HYCC1: variants seen among roughly 807,000 people sequenced by gnomAD.
The protein encoded by HYCC1 is hyccin.
At chr7:22,964,846 T>G in the HYCC1 span, among the ~76,000 whole-genome samples, 2 of 152,074 alleles carry the variant, frequency 1.3e-5, no homozygotes, top group Admixed American at 6.6e-5. Context: ...ACATGAAACT[T>G]GGCACTGCCC....
At chr7:23,003,867 A>G in the HYCC1 span, among the ~76,000 whole-genome samples, 146 of 152,352 alleles carry the variant, frequency 9.6e-4, no homozygotes, top group African/African-American at 3.5e-3. Context: ...GTGTGCTAAT[A>G]GGGCCATAAT....
At chr7:22,964,140 T>C in the HYCC1 span, among the ~76,000 whole-genome samples, 1 of 151,942 alleles carries the variant, frequency 6.6e-6, no homozygotes, top group Non-Finnish European at 1.5e-5. Flanking sequence ...GGACCATGAA[T>C]ATATTTAAGT....
the HYCC1 span, chr7:22,946,973 G>T: frequency 6.5e-7 from 1 of 1,548,606 alleles, no homozygotes; most frequent in East Asian, 2.4e-5. Context: ...GTTATAAAGT[G>T]CTCTGCTAAA....
At chr7:22,994,537 T>G in the HYCC1 span, among the ~76,000 whole-genome samples, 1 of 152,186 alleles carries the variant, frequency 6.6e-6, no homozygotes, top group South Asian at 2.1e-4. Context: ...TTTTTCTGTA[T>G]GTATATTATA....
At chr7:22,900,262 A>G in the HYCC1 span, among the ~76,000 whole-genome samples, 1 of 152,256 alleles carries the variant, frequency 6.6e-6, no homozygotes, top group Non-Finnish European at 1.5e-5. Context: ...ATGTTGGCAC[A>G]CTAAGTACAT....
chr7:22,963,323 T>C, the HYCC1 span, among the ~76,000 whole-genome samples: 1 of 152,136 alleles, frequency 6.6e-6, no homozygotes, highest in Admixed American at 6.6e-5. Context: ...ACGGACAACA[T>C]GCATGAACAG....
At chr7:22,930,512 C>T in the HYCC1 span, among the ~76,000 whole-genome samples, 5,006 of 151,672 alleles carry the variant, frequency 0.033, 273 homozygotes, top group African/African-American at 0.11. Flanking sequence ...TGGTTGAAGG[C>T]CTAGTGGTTT....
chr7:22,961,430 T>C, the HYCC1 span: 15 of 647,138 alleles, frequency 2.3e-5, no homozygotes, highest in East Asian at 2.1e-4. Flanking sequence ...TATTAGCACA[T>C]TGCTTAACAT....
At chr7:22,929,704 A>G in the HYCC1 span, among the ~76,000 whole-genome samples, 4 of 152,228 alleles carry the variant, frequency 2.6e-5, no homozygotes, top group Non-Finnish European at 4.4e-5. Context: ...CAGGTGCTGG[A>G]GAGGATGTGG....
the HYCC1 span, among the ~76,000 whole-genome samples, chr7:22,990,628 T>C: frequency 2.6e-5 from 4 of 152,250 alleles, no homozygotes; most frequent in Admixed American, 6.5e-5. Context: ...ACCCCTTATA[T>C]AGCCACTGGG....
the HYCC1 span, among the ~76,000 whole-genome samples, chr7:22,950,626 C>G: frequency 6.6e-6 from 1 of 151,872 alleles, no homozygotes; most frequent in East Asian, 1.9e-4. Context: ...AAAGCAAAGC[C>G]TCTTTGTTTT....
the HYCC1 span, among the ~76,000 whole-genome samples, chr7:22,900,035 T>C: frequency 1.3e-5 from 2 of 152,222 alleles, no homozygotes; most frequent in African/African-American, 4.8e-5. Flanking sequence ...TTGTCTACCA[T>C]AGGCCAGTTT....
chr7:22,917,152 GT>G, the HYCC1 span, among the ~76,000 whole-genome samples: 1 of 152,246 alleles, frequency 6.6e-6, no homozygotes, highest in African/African-American at 2.4e-5. Context: ...CCTCACGGCA[GT>G]TTTTCTCCTT....
the HYCC1 span, among the ~76,000 whole-genome samples, chr7:22,947,654 T>A: frequency 2.0e-5 from 3 of 152,120 alleles, no homozygotes; most frequent in Non-Finnish European, 2.9e-5. Flanking sequence ...TAGGCAAATG[T>A]TCAAGGATCT....
the HYCC1 span, among the ~76,000 whole-genome samples, chr7:22,920,288 T>C: frequency 6.6e-6 from 1 of 152,042 alleles, no homozygotes; most frequent in Non-Finnish European, 1.5e-5. Context: ...GAGCCATGAT[T>C]GTGCCACTGC....
At chr7:22,927,945 T>C in the HYCC1 span, among the ~76,000 whole-genome samples, 3 of 152,178 alleles carry the variant, frequency 2.0e-5, no homozygotes, top group African/African-American at 7.2e-5. Context: ...AATAAAATAC[T>C]GGCAAACCGA....
chr7:23,011,506 G>C, the HYCC1 span, among the ~76,000 whole-genome samples: 1 of 152,132 alleles, frequency 6.6e-6, no homozygotes, highest in Admixed American at 6.5e-5. Context: ...ATTAGGACTT[G>C]TTAGTTTTTC....
At chr7:22,947,168 T>C in the HYCC1 span, 2 of 1,550,306 alleles carry the variant, frequency 1.3e-6, no homozygotes, top group Non-Finnish European at 1.7e-6. Flanking sequence ...CGGTTCTCTC[T>C]CCGGCCACAT....
the HYCC1 span, among the ~76,000 whole-genome samples, chr7:22,925,469 A>C: frequency 1.4e-4 from 21 of 152,220 alleles, no homozygotes; most frequent in Non-Finnish European, 2.2e-4. Context: ...AGAATAACCA[A>C]TGCAGAGAAG....
Sources: gnomAD v4.1 joint callset for allele counts (sites outside exome capture counted in the v4.1 genomes callset) on GRCh38, gnomAD v4.1.1 for gene constraint, MANE v1.5 for transcripts, NCBI Gene and HGNC (gene_info 2026-07-23, HGNC 2026-07-21) for gene names.